The following SCNN1B variants were observed in gnomAD, a reference collection of about 807,000 sequenced individuals.
SCNN1B encodes the protein sodium channel epithelial 1 subunit beta, also known as epithelial sodium channel subunit beta.
In SCNN1B, 46 loss-of-function variants were observed where a neutral mutation model predicts 65.3. The observed-to-expected ratio is 0.70, with a 90% CI of 0.56 to 0.90. The LOEUF is 0.90. Among genes scored for constraint, SCNN1B ranks in the 40% least tolerant of loss-of-function variants. SCNN1B has a pLI of 0.00. For synonymous variants in SCNN1B, 349 were observed against 330.6 expected (o/e 1.06, Z -0.60); for missense variants, 751 against 830.5 (o/e 0.90, Z 1.18).
chr16:23,364,720 G>C (rs114561701), intron 4 of SCNN1B, among the ~76,000 whole-genome samples: 1 of 152,174 alleles, frequency 6.6e-6, no homozygotes, highest in Admixed American at 6.5e-5. Flanking sequence ...GCCTGGCGTG[G>C]TGGCTCACAC....
intron 1 of SCNN1B, among the ~76,000 whole-genome samples, chr16:23,305,991 C>T (rs572491926): frequency 1.1e-3 from 167 of 152,218 alleles, no homozygotes; most frequent in African/African-American, 3.8e-3. Flanking sequence ...GCCTGTAATC[C>T]CAACACTTTG....
In SCNN1B at chr16:23,377,603, CT is replaced by C. The variant is rs1452087342; in HGVS notation, c.1404+219del. Among the ~76,000 whole-genome samples, 2,534 of 136,368 alleles carry C rather than the reference CT, an allele frequency of 0.019. 15 individuals are homozygous for C. The highest frequency in any genetic ancestry group is 0.076 in the East Asian group (367 of 4,836). 89.5% of individuals were successfully genotyped at this position (136,368 alleles called of 152,430 possible). On this transcript the variant is annotated intron_variant, in intron 10 of 12. Transcript: ENST00000343070. ...TCCTCCCTCCCTTCTCCCTTCCTTC[CT>C]TCCTTCTTTCTTCCTTCCTTCATTC...
intron 1 of SCNN1B, among the ~76,000 whole-genome samples, chr16:23,320,789 C>A (rs1388730667): frequency 1.3e-5 from 2 of 152,150 alleles, no homozygotes; most frequent in Non-Finnish European, 2.9e-5. Flanking sequence ...AGGCCTGGAG[C>A]CCCAGGGATG....
intron 4 of SCNN1B, among the ~76,000 whole-genome samples, chr16:23,363,607 G>A (rs152735): frequency 0.028 from 4,211 of 152,294 alleles, 58 homozygotes; most frequent in Middle Eastern, 0.082. Flanking sequence ...GAGGCCAGGA[G>A]TTCAAGACCA....
At chr16:23,363,327 G>A (rs566244518) in intron 4 of SCNN1B, among the ~76,000 whole-genome samples, 154 of 152,294 alleles carry the variant, frequency 1.0e-3, no homozygotes, top group African/African-American at 3.5e-3. Context: ...AGTGAGGCAC[G>A]AAGACGTGAT....
intron 1 of SCNN1B, among the ~76,000 whole-genome samples, chr16:23,336,878 A>G (rs1004373274): frequency 3.9e-5 from 6 of 152,118 alleles, no homozygotes; most frequent in Non-Finnish European, 8.8e-5. Flanking sequence ...GGCATTATCT[A>G]GTAAGTAAAT....
intron 4 of SCNN1B, among the ~76,000 whole-genome samples, chr16:23,365,740 T>C (rs1962655832): frequency 6.6e-6 from 1 of 152,214 alleles, no homozygotes; most frequent in Admixed American, 6.5e-5. Context: ...GTCCCTAGCC[T>C]AGCACCCACC....
At chr16:23,362,748 T>G (rs1962578298) in intron 4 of SCNN1B, among the ~76,000 whole-genome samples, 1 of 152,246 alleles carries the variant, frequency 6.6e-6, no homozygotes, top group Non-Finnish European at 1.5e-5. Context: ...TGCAGCCTCC[T>G]GCTCCTGGGC....
intron 1 of SCNN1B, among the ~76,000 whole-genome samples, chr16:23,317,445 G>A (rs1291882894): frequency 6.6e-6 from 1 of 152,186 alleles, no homozygotes; most frequent in Non-Finnish European, 1.5e-5. Context: ...CATGACTGGA[G>A]AGACCACTCA....
At chr16:23,278,915 G>C (rs1177107485) in intron 1 of SCNN1B, among the ~76,000 whole-genome samples, 1 of 151,850 alleles carries the variant, frequency 6.6e-6, no homozygotes, top group Non-Finnish European at 1.5e-5. Flanking sequence ...ACTCCAGCCT[G>C]GACGACAGAG....
rs2046170393 is a variant in SCNN1B, at chr16:23,371,795, G to A, written c.1064G>A (p.Gly355Glu). The A allele has an allele frequency of 6.2e-7, 1 of 1,614,022 alleles. No individual in the cohort carries two copies. The highest frequency in any genetic ancestry group is 1.3e-5 in the African/African-American group (1 of 74,938). Residue 355 changes from glycine (G) to glutamate (E), a missense_variant, in exon 7 of 13, where the codon GGG becomes GAG. Transcript: ENST00000343070. ...ACACAGGACAAGCTTCAGCGCATGGGGGAGCCCTACAGCCCGTGCACCGTG... is the reference window on the plus strand; with the variant it reads ...ACACAGGACAAGCTTCAGCGCATGGAGGAGCCCTACAGCCCGTGCACCGTG... The part of the protein sequence containing the change: ...GVLVDKLQRM[G>E]EPYSPCTVNG...
intron 4 of SCNN1B, among the ~76,000 whole-genome samples, chr16:23,360,201 A>AAAAAAAAAAAATAAAT (rs1555488432): frequency 7.5e-6 from 1 of 132,752 alleles, no homozygotes; most frequent in Non-Finnish European, 1.7e-5. Flanking sequence ...CCATCTCAAA[A>AAAAAAAAAAAATAAAT]AAATAAATAA....
intron 2 of SCNN1B, among the ~76,000 whole-genome samples, chr16:23,292,456 C>T (rs542926247): frequency 9.9e-5 from 15 of 152,028 alleles, no homozygotes; most frequent in African/African-American, 3.1e-4. Flanking sequence ...CTTGGCCTCC[C>T]GAAGTGCTGG....
intron 8 of SCNN1B, 66 bp from the exon 9 acceptor site, chr16:23,377,099 G>A (rs2142045107): frequency 1.4e-6 from 2 of 1,427,304 alleles, no homozygotes; most frequent in East Asian, 4.8e-5. Flanking sequence ...CAGAGGCTCA[G>A]CAGGGAACAG....
chr16:23,321,951 G>C (rs1961597534), intron 1 of SCNN1B, among the ~76,000 whole-genome samples: 1 of 152,074 alleles, frequency 6.6e-6, no homozygotes, highest in Admixed American at 6.6e-5. Flanking sequence ...CTTGAGCCCG[G>C]GAGGCAAACG....
chr16:23,371,075 G>C (rs1486590530), intron 5 of SCNN1B, among the ~76,000 whole-genome samples: 2 of 152,220 alleles, frequency 1.3e-5, no homozygotes, highest in African/African-American at 4.8e-5. Context: ...CGGGAGGCAA[G>C]AGACACCTAG....
At chr16:23,318,375 G>A (rs1007881164) in intron 1 of SCNN1B, among the ~76,000 whole-genome samples, 1 of 152,098 alleles carries the variant, frequency 6.6e-6, no homozygotes, top group South Asian at 2.1e-4. Context: ...TTGGGAGGCC[G>A]AGGCTGATGG....
At chr16:23,331,252 C>T (rs1961805945) in intron 1 of SCNN1B, among the ~76,000 whole-genome samples, 1 of 152,052 alleles carries the variant, frequency 6.6e-6, no homozygotes, top group African/African-American at 2.4e-5. Context: ...GCAAGTTTGG[C>T]CTTAAGTACT....
chr16:23,377,210 C>T lies in SCNN1B; in HGVS notation c.1316C>T (p.Thr439Ile). ...DLQMSVAQRE[T>I]CIGMCKESCN... Reference sequence around the variant, plus strand: ...CAGATGAGCGTGGCGCAGAGAGAGACCTGCATTGGCATGTGCAAGGAGTCC... The same window carrying T: ...CAGATGAGCGTGGCGCAGAGAGAGATCTGCATTGGCATGTGCAAGGAGTCC... The change falls in exon 9 of 13, where the codon ACC becomes ATC. Residue 439 changes from threonine (T) to isoleucine (I), a missense_variant. Transcript: ENST00000343070. 1.2e-6 allele frequency: 2 copies of T among 1,614,222 alleles called. No individual in the cohort carries two copies. The highest frequency in any genetic ancestry group is 1.7e-6 in the Non-Finnish European group (2 of 1,180,044).
Sources: allele counts gnomAD v4.1 joint callset (sites outside exome capture counted in the v4.1 genomes callset), GRCh38; gene constraint gnomAD v4.1.1; transcripts MANE v1.5; gene names NCBI Gene and HGNC (gene_info 2026-07-23, HGNC 2026-07-21).